The following SMAD3 variants were observed in gnomAD, a reference collection of about 807,000 sequenced individuals.
SMAD3 encodes the protein SMAD family member 3, also known as MAD homolog 3.
Under a neutral mutation model 51.8 loss-of-function variants are expected in SMAD3, and 12 were observed. The ratio of observed to expected loss-of-function variants is 0.23; its 90% CI spans 0.15 to 0.38. The LOEUF is 0.38. Ranked by LOEUF, SMAD3 falls within the 10% of genes least tolerant of loss-of-function variation. The pLI, the probability that SMAD3 is intolerant of heterozygous loss-of-function variation, is 1.00. For missense variants in SMAD3, 294 were observed against 565.6 expected (o/e 0.52, Z 4.87); for synonymous variants, 238 against 227.7 (o/e 1.05, Z -0.41).
chr15:67,135,500 CCT>C (rs1273948464), intron 1 of SMAD3, among the ~76,000 whole-genome samples: 2 of 151,980 alleles, frequency 1.3e-5, no homozygotes, highest in African/African-American at 4.8e-5. Context: ...CCAAGTAGGC[CCT>C]CTCTAAATAA....
At chr15:67,182,649 G>C (rs1310342079) in intron 6 of SMAD3, among the ~76,000 whole-genome samples, 2 of 152,060 alleles carry the variant, frequency 1.3e-5, no homozygotes, top group African/African-American at 4.8e-5. Context: ...CATGGGCCTA[G>C]GTCTGTGCTC....
chr15:67,161,490 C>G (rs1212303750), intron 1 of SMAD3, among the ~76,000 whole-genome samples: 1 of 152,230 alleles, frequency 6.6e-6, no homozygotes, highest in Non-Finnish European at 1.5e-5. Flanking sequence ...CCTTCTCTTG[C>G]AGAGGAGGCT....
At chr15:67,125,434 T>C (rs1961361475) in intron 1 of SMAD3, among the ~76,000 whole-genome samples, 1 of 152,236 alleles carries the variant, frequency 6.6e-6, no homozygotes, top group African/African-American at 2.4e-5. Context: ...CATGGACCTC[T>C]GTCCTCATTG....
intron 1 of SMAD3, among the ~76,000 whole-genome samples, chr15:67,164,093 C>A (rs990473606): frequency 3.3e-5 from 5 of 151,738 alleles, no homozygotes; most frequent in African/African-American, 9.7e-5. Flanking sequence ...GGGCAGATCA[C>A]GAGGTTAGGA....
At chr15:67,126,946 G>A (rs7173555) in intron 1 of SMAD3, among the ~76,000 whole-genome samples, 103,595 of 152,132 alleles carry the variant, frequency 0.68, 35,354 homozygotes, top group African/African-American at 0.73. Flanking sequence ...ATTCCAGGAC[G>A]AGGTGGGCAC....
At chr15:67,146,585 C>T (rs1961980139) in intron 1 of SMAD3, among the ~76,000 whole-genome samples, 1 of 152,114 alleles carries the variant, frequency 6.6e-6, no homozygotes, top group Non-Finnish European at 1.5e-5. Flanking sequence ...AGGGACTTCT[C>T]TCAGACACTT....
chr15:67,190,578 G>A lies in SMAD3; in HGVS notation c.*42G>A. 1 of 1,606,000 alleles carries A rather than the reference G, an allele frequency of 6.2e-7. No homozygotes were observed. The highest frequency in any genetic ancestry group is 8.5e-7 in the Non-Finnish European group (1 of 1,173,424). ...AGGGGAGGGCAGGCTTGGGGAAAAT[G>A]GCCATGCAGGAGGTGGAGAAAATTG... On this transcript the variant is annotated 3_prime_UTR_variant, in exon 9 of 9. Transcript: ENST00000327367.
At chr15:67,166,601 G>T in intron 3 of SMAD3, 178 bp from the exon 4 acceptor site, 2 of 670,500 alleles carry the variant, frequency 3.0e-6, no homozygotes, top group Non-Finnish European at 5.5e-6. Flanking sequence ...GCGGGAGTCA[G>T]AGGTGGACAG....
intron 1 of SMAD3, among the ~76,000 whole-genome samples, chr15:67,100,366 G>A (rs1293402791): frequency 6.6e-6 from 1 of 152,030 alleles, no homozygotes; most frequent in Admixed American, 6.6e-5. Flanking sequence ...AGGGATGGAG[G>A]AGAGGGGAAT....
In SMAD3 at chr15:67,066,132, C is replaced by T. The variant is rs36221703; in HGVS notation, c.-23C>T. Reference sequence around the variant, plus strand: ...CCAGCCCCGCCGGGGGCGCTCCTCGCCGCCCGCGCGCCCTCCCCAGCCATG... The same window carrying T: ...CCAGCCCCGCCGGGGGCGCTCCTCGTCGCCCGCGCGCCCTCCCCAGCCATG... On this transcript the variant is annotated 5_prime_UTR_variant, in exon 1 of 9. Transcript: ENST00000327367. 5,581 of 1,557,014 alleles carry T rather than the reference C, an allele frequency of 3.6e-3. 147 individuals are homozygous for T. The East Asian group carries it at 0.064, about 18-fold the overall frequency.
Position 67,165,157 on chromosome 15 carries a change from C to A in SMAD3, c.400+69C>A, listed in dbSNP as rs1962545240. The A allele has an allele frequency of 6.8e-6, 11 of 1,607,884 alleles. No individual in the cohort carries two copies. In the South Asian group the frequency reaches 1.2e-4, roughly 18 times the overall value. ...TCATCACCTCTCCCCGGCTCCCCAT[C>A]CCCCCGAGGGTCTGCGGTGCACTTG... is the stretch of plus-strand genomic sequence containing the variant. On this transcript the variant is annotated intron_variant, in intron 2 of 8. Transcript: ENST00000327367.
At chr15:67,115,105 A>G (rs1961105855) in intron 1 of SMAD3, among the ~76,000 whole-genome samples, 1 of 152,120 alleles carries the variant, frequency 6.6e-6, no homozygotes, top group Admixed American at 6.5e-5. Context: ...CAGGATTCTG[A>G]CTTCTGGTCC....
rs1420980875 is a variant in SMAD3, at chr15:67,143,003, C to T, written c.207-21892C>T. 1.2e-5 allele frequency: 3 copies of T among 255,076 alleles called. No homozygotes were observed. The East Asian group carries it at 4.2e-4, about 35-fold the overall frequency. The allele number at this position is 255,076 out of a possible 1,614,324, so 15.8% of individuals were successfully genotyped here. A position where few individuals can be genotyped will look rare whatever the true frequency, so the allele number is the denominator to read the frequency against. On this transcript the variant is annotated intron_variant, in intron 1 of 8. Transcript: ENST00000327367. The stretch of plus-strand genomic sequence containing the variant: ...TTCCCGGCCAGGCCAGACGTCCTTG[C>T]TGGAGAGCCAGCTCTCCGTGCACCA...
At chr15:67,106,934 T>TCATTC (rs1566970359) in intron 1 of SMAD3, among the ~76,000 whole-genome samples, 2 of 152,114 alleles carry the variant, frequency 1.3e-5, no homozygotes, top group Non-Finnish European at 2.9e-5. Flanking sequence ...TCAAAACATA[T>TCATTC]CATTCCCCAG....
At chr15:67,123,307 C>T (rs753985520) in intron 1 of SMAD3, among the ~76,000 whole-genome samples, 5 of 151,766 alleles carry the variant, frequency 3.3e-5, no homozygotes, top group Non-Finnish European at 7.4e-5. Flanking sequence ...ACCAGCCTAG[C>T]TAAAACATGG....
intron 1 of SMAD3, among the ~76,000 whole-genome samples, chr15:67,104,624 T>C (rs1266114490): frequency 2.0e-5 from 3 of 152,110 alleles, no homozygotes; most frequent in Non-Finnish European, 2.9e-5. Flanking sequence ...TTCCGTCAGG[T>C]GGCCGAAGAC....
At chr15:67,109,763 C>T (rs946104304) in intron 1 of SMAD3, among the ~76,000 whole-genome samples, 1 of 152,182 alleles carries the variant, frequency 6.6e-6, no homozygotes, top group African/African-American at 2.4e-5. Flanking sequence ...CCTGCAGTTG[C>T]GACACCCGCG....
At chr15:67,115,201 C>T (rs180982541) in intron 1 of SMAD3, among the ~76,000 whole-genome samples, 1 of 152,156 alleles carries the variant, frequency 6.6e-6, no homozygotes, top group Non-Finnish European at 1.5e-5. Context: ...ATGAGCACTT[C>T]CAGGAGCACC....
At chr15:67,136,631 CAG>C (rs1961670525) in intron 1 of SMAD3, among the ~76,000 whole-genome samples, 1 of 152,192 alleles carries the variant, frequency 6.6e-6, no homozygotes, top group African/African-American at 2.4e-5. Context: ...GCACCCGGCC[CAG>C]AGTCAGTTAT....
Sources: allele counts gnomAD v4.1 joint callset (sites outside exome capture counted in the v4.1 genomes callset), GRCh38; gene constraint gnomAD v4.1.1; transcripts MANE v1.5; gene names NCBI Gene and HGNC (gene_info 2026-07-23, HGNC 2026-07-21).